CCDC141: variants seen among roughly 807,000 people sequenced by gnomAD.
CCDC141 encodes coiled-coil domain containing 141.
A neutral mutation model predicts 181.0 loss-of-function variants in CCDC141; 168 were observed. The ratio of observed to expected loss-of-function variants is 0.93; its 90% CI spans 0.82 to 1.05. The LOEUF is 1.05. CCDC141 is among the 50% of genes least tolerant of loss of function. The pLI is 0.00. For missense variants in CCDC141, 1,902 were observed against 1,788.5 expected (o/e 1.06, Z -1.14); for synonymous variants, 666 against 642.3 (o/e 1.04, Z -0.56).
chr2:178,971,205 C>T (rs1206326575), intron 4 of CCDC141, among the ~76,000 whole-genome samples: 1 of 151,756 alleles, frequency 6.6e-6, no homozygotes, highest in Non-Finnish European at 1.5e-5. Flanking sequence ...GAGACTCCAC[C>T]TCAATTAAAA....
the CCDC141 span, among the ~76,000 whole-genome samples, chr2:178,820,428 T>C: frequency 2.6e-5 from 4 of 152,192 alleles, no homozygotes; most frequent in African/African-American, 9.6e-5. Flanking sequence ...AATCGGATTC[T>C]CCTTTTAGAT....
At chr2:178,926,091 C>T (rs1322189196) in intron 6 of CCDC141, among the ~76,000 whole-genome samples, 1 of 151,972 alleles carries the variant, frequency 6.6e-6, no homozygotes, top group Non-Finnish European at 1.5e-5. Context: ...TTTAAAAACA[C>T]ATATTTCCAG....
chr2:178,843,453 A>T (rs919882609), intron 22 of CCDC141, among the ~76,000 whole-genome samples: 1 of 152,188 alleles, frequency 6.6e-6, no homozygotes, highest in Non-Finnish European at 1.5e-5. Flanking sequence ...TAACCTTAGG[A>T]GTTTTCATAT....
intron 2 of CCDC141, among the ~76,000 whole-genome samples, chr2:179,035,853 G>A (rs1697415374): frequency 6.6e-6 from 1 of 152,270 alleles, no homozygotes; most frequent in Middle Eastern, 3.4e-3. Context: ...TTAAGGGAAG[G>A]GACATAGATC....
At chr2:178,844,478 A>C (rs982131951) in intron 22 of CCDC141, among the ~76,000 whole-genome samples, 4 of 152,210 alleles carry the variant, frequency 2.6e-5, no homozygotes, top group African/African-American at 9.6e-5. Flanking sequence ...AGAGTAACGT[A>C]AAACCATTTG....
In CCDC141 at chr2:178,871,416, T is replaced by C. The variant is rs1358227921; in HGVS notation, c.2205+11A>G. ...TTCCATTCACCCAAATCCAGCAATA[T>C]ATTTCTTCACCTGGAACTGAGGCTT... On this transcript the variant is annotated intron_variant, in intron 14 of 23. Coordinates refer to ENST00000443758, the MANE Select transcript of CCDC141 (RefSeq NM_173648.4). The C allele has an allele frequency of 1.2e-6, 2 of 1,610,058 alleles. No homozygotes were observed. The highest frequency in any genetic ancestry group is 1.7e-5 in the Admixed American group (1 of 59,196).
chr2:178,839,147 C>T (rs1449059519), intron 22 of CCDC141, among the ~76,000 whole-genome samples: 2 of 152,150 alleles, frequency 1.3e-5, no homozygotes, highest in African/African-American at 4.8e-5. Context: ...GGTGCGGTGG[C>T]TCACACCTGT....
intron 7 of CCDC141, among the ~76,000 whole-genome samples, chr2:178,906,451 T>C (rs1687975260): frequency 6.6e-6 from 1 of 152,240 alleles, no homozygotes; most frequent in Non-Finnish European, 1.5e-5. Flanking sequence ...AGGAATAATT[T>C]TGACCTAGAA....
At chr2:178,908,318 C>A (rs879729904) in intron 7 of CCDC141, among the ~76,000 whole-genome samples, 3 of 152,090 alleles carry the variant, frequency 2.0e-5, no homozygotes, top group Non-Finnish European at 2.9e-5. Flanking sequence ...CCTCAGCCTC[C>A]CGAGTAGCTG....
the CCDC141 span, among the ~76,000 whole-genome samples, chr2:178,818,996 A>C: frequency 6.6e-6 from 1 of 152,214 alleles, no homozygotes; most frequent in Non-Finnish European, 1.5e-5. Flanking sequence ...AAAGAAGGGC[A>C]GACAGAAGGA....
intron 17 of CCDC141, among the ~76,000 whole-genome samples, chr2:178,858,116 C>A (rs973949416): frequency 6.6e-6 from 1 of 152,002 alleles, no homozygotes; most frequent in Non-Finnish European, 1.5e-5. Context: ...ACAAACTAAA[C>A]CAAGCATAGA....
the CCDC141 span, among the ~76,000 whole-genome samples, chr2:178,815,941 A>T: frequency 1.4e-4 from 21 of 152,190 alleles, no homozygotes; most frequent in Non-Finnish European, 2.8e-4. Flanking sequence ...CTGTTGTAAG[A>T]GTATATGTAA....
chr2:178,945,853 G>GCACA (rs10649193), intron 5 of CCDC141, among the ~76,000 whole-genome samples: 34,698 of 149,402 alleles, frequency 0.23, 4,028 homozygotes, highest in Middle Eastern at 0.28. Flanking sequence ...ACACATGCGT[G>GCACA]CACACACACA....
chr2:178,882,391 A>C (rs2154370219), intron 11 of CCDC141, among the ~76,000 whole-genome samples: 1 of 152,264 alleles, frequency 6.6e-6, no homozygotes, highest in Admixed American at 6.5e-5. Context: ...ATAATAAATA[A>C]AATTTTAAAA....
intron 15 of CCDC141, among the ~76,000 whole-genome samples, chr2:178,868,847 G>C (rs1685978837): frequency 6.6e-6 from 1 of 152,114 alleles, no homozygotes; most frequent in South Asian, 2.1e-4. Context: ...AGATAAGAGG[G>C]AGGAGAAAGA....
intron 6 of CCDC141, among the ~76,000 whole-genome samples, chr2:178,941,846 G>T (rs1445080491): frequency 1.3e-5 from 2 of 151,102 alleles, no homozygotes; most frequent in African/African-American, 2.4e-5. Flanking sequence ...TGCAGTCCCA[G>T]GTGCTCGGGA....
chr2:179,015,097 T>C (rs1443876450), intron 2 of CCDC141, among the ~76,000 whole-genome samples: 9 of 42,444 alleles, frequency 2.1e-4, no homozygotes, highest in Admixed American at 1.2e-3. Flanking sequence ...TATATATATA[T>C]ATATATAATA....
chr2:179,012,054 C>G (rs754764322), intron 2 of CCDC141, among the ~76,000 whole-genome samples: 6 of 151,914 alleles, frequency 3.9e-5, no homozygotes, highest in Non-Finnish European at 8.8e-5. Context: ...AAGGTCACAC[C>G]TTAAGGAACT....
At chr2:178,826,026 G>C (rs1684120553), downstream of CCDC141, among the ~76,000 whole-genome samples, 1 of 152,172 alleles carries the variant, frequency 6.6e-6, no homozygotes, top group African/African-American at 2.4e-5. Flanking sequence ...AGTGGTAAGA[G>C]AGGATGTCCT....
Sources: allele counts gnomAD v4.1 joint callset (sites outside exome capture counted in the v4.1 genomes callset), GRCh38; gene constraint gnomAD v4.1.1; transcripts MANE v1.5; gene names NCBI Gene and HGNC (gene_info 2026-07-23, HGNC 2026-07-21).